Variants in RAB39A observed in about 807,000 individuals in gnomAD.
The protein encoded by RAB39A is ras-related protein Rab-39A.
RAB39A carries 17 observed loss-of-function variants against 20.9 expected under a neutral mutation model. The ratio of observed to expected loss-of-function variants is 0.81; its 90% CI spans 0.56 to 1.22. The LOEUF (loss-of-function observed/expected upper bound fraction) is 1.22. Among genes scored for constraint, RAB39A ranks in the 50% most tolerant of loss-of-function variants. The pLI is 0.00. For synonymous variants in RAB39A, 99 were observed against 103.4 expected (o/e 0.96, Z 0.26); for missense variants, 234 against 270.5 (o/e 0.87, Z 0.95).
At chr11:107,953,263 T>G (rs555284727) in intron 1 of RAB39A, among the ~76,000 whole-genome samples, 1 of 152,350 alleles carries the variant, frequency 6.6e-6, no homozygotes, top group African/African-American at 2.4e-5. Flanking sequence ...GAGCTTGTTT[T>G]GTACCATTTT....
In RAB39A at chr11:107,928,716, T is replaced by G; in HGVS notation, c.148T>G (p.Phe50Val). ...ACDPTVGVDF[F>V]SRLLEIEPGK... ...CGACCCCACCGTCGGCGTGGACTTC[T>G]TCTCCCGCCTGCTGGAGATCGAGCC... Residue 50 changes from phenylalanine to valine, a missense_variant, in exon 1 of 2, where the codon TTC becomes GTC. By Grantham distance (50) the Phe-to-Val change is conservative. Coordinates refer to ENST00000320578, the MANE Select transcript of RAB39A (RefSeq NM_017516.3). The surrounding 1 kb of genome is among the most constrained non-coding windows in gnomAD (Gnocchi z 4.9). The G allele has an allele frequency of 6.2e-7, 1 of 1,610,690 alleles. No individual in the cohort carries two copies. Among genetic ancestry groups the G allele is most frequent in the Non-Finnish European group, 8.5e-7 (1 of 1,178,352 alleles).
chr11:107,934,209 C>T (rs909154059), intron 1 of RAB39A, among the ~76,000 whole-genome samples: 3 of 152,108 alleles, frequency 2.0e-5, no homozygotes, highest in African/African-American at 7.2e-5. Context: ...AGGAGAATTA[C>T]TTGAAGCTAG....
chr11:107,950,733 T>C (rs944202657), intron 1 of RAB39A, among the ~76,000 whole-genome samples: 6 of 139,144 alleles, frequency 4.3e-5, no homozygotes, highest in African/African-American at 1.6e-4. Context: ...ACCACTGCAC[T>C]CCAGCCTGGG....
At chr11:107,953,664 A>C (rs1376571015) in intron 1 of RAB39A, among the ~76,000 whole-genome samples, 1 of 152,198 alleles carries the variant, frequency 6.6e-6, no homozygotes, top group Non-Finnish European at 1.5e-5. Flanking sequence ...GATTAGATGC[A>C]ACAAAAAATT....
chr11:107,929,427 T>A (rs1038524108), intron 1 of RAB39A, among the ~76,000 whole-genome samples: 10 of 151,936 alleles, frequency 6.6e-5, no homozygotes, highest in African/African-American at 2.2e-4. Context: ...TCATGACCCG[T>A]GGGAATGGGT....
At chr11:107,955,121 C>T (rs1043521633) in intron 1 of RAB39A, among the ~76,000 whole-genome samples, 5 of 150,704 alleles carry the variant, frequency 3.3e-5, no homozygotes, top group African/African-American at 9.7e-5. Flanking sequence ...CTCAGCCTCC[C>T]GAGGAGCTGG....
chr11:107,950,311 T>G (rs925550262), intron 1 of RAB39A, among the ~76,000 whole-genome samples: 1 of 152,244 alleles, frequency 6.6e-6, no homozygotes, highest in Non-Finnish European at 1.5e-5. Flanking sequence ...TAAGCTTTTT[T>G]TATATTTCTC....
chr11:107,953,096 C>T (rs1230381073), intron 1 of RAB39A, among the ~76,000 whole-genome samples: 2 of 152,262 alleles, frequency 1.3e-5, no homozygotes, highest in Middle Eastern at 3.4e-3. Flanking sequence ...ATCTACTGTA[C>T]ACCTTGGCAC....
intron 1 of RAB39A, among the ~76,000 whole-genome samples, chr11:107,948,350 CT>C (rs960499378): frequency 1.3e-5 from 2 of 148,884 alleles, no homozygotes; most frequent in Non-Finnish European, 3.0e-5. Flanking sequence ...TCTAATGCTT[CT>C]TTTTTTTCTT....
intron 1 of RAB39A, among the ~76,000 whole-genome samples, chr11:107,957,350 G>A (rs748882682): frequency 2.6e-5 from 4 of 152,182 alleles, no homozygotes; most frequent in African/African-American, 9.7e-5. Flanking sequence ...TTTACAACAG[G>A]GGTTGGGAAA....
intron 1 of RAB39A, among the ~76,000 whole-genome samples, chr11:107,958,582 C>CA (rs1861461947): frequency 6.6e-6 from 1 of 152,140 alleles, no homozygotes; most frequent in African/African-American, 2.4e-5. Context: ...CCCACAGACC[C>CA]ACACACAGAA....
intron 1 of RAB39A, among the ~76,000 whole-genome samples, chr11:107,948,066 A>G (rs576642916): frequency 1.3e-5 from 2 of 152,196 alleles, no homozygotes; most frequent in Non-Finnish European, 2.9e-5. Flanking sequence ...GAAAAAGGCA[A>G]GGGAACCTCC....
chr11:107,929,283 C>G (rs1289682312), intron 1 of RAB39A, among the ~76,000 whole-genome samples: 1 of 152,192 alleles, frequency 6.6e-6, no homozygotes, highest in African/African-American at 2.4e-5. Flanking sequence ...CGTGATGGAT[C>G]CTTTAGCTTC....
intron 1 of RAB39A, among the ~76,000 whole-genome samples, chr11:107,942,208 CT>C (rs1458615194): frequency 6.7e-6 from 1 of 149,902 alleles, no homozygotes; most frequent in Non-Finnish European, 1.5e-5. Context: ...TAGCAGAGAA[CT>C]TTTGGAAGAG....
At chr11:107,929,135 T>C (rs1565460169) in intron 1 of RAB39A, among the ~76,000 whole-genome samples, 1 of 152,208 alleles carries the variant, frequency 6.6e-6, no homozygotes, top group Non-Finnish European at 1.5e-5. Context: ...GGCTGCCTTC[T>C]TCCCAAACTC....
intron 1 of RAB39A, among the ~76,000 whole-genome samples, chr11:107,930,683 C>T (rs1262201115): frequency 6.6e-6 from 1 of 151,958 alleles, no homozygotes; most frequent in Admixed American, 6.6e-5. Context: ...AGGTGAAACC[C>T]TGTCTCTACC....
intron 1 of RAB39A, among the ~76,000 whole-genome samples, chr11:107,943,744 A>T (rs918178455): frequency 6.6e-6 from 1 of 152,178 alleles, no homozygotes; most frequent in African/African-American, 2.4e-5. Flanking sequence ...CACTGCTATA[A>T]CAGACTGCCA....
intron 1 of RAB39A, among the ~76,000 whole-genome samples, chr11:107,946,565 C>T (rs185960291): frequency 3.5e-5 from 5 of 143,968 alleles, no homozygotes; most frequent in Middle Eastern, 3.3e-3. Flanking sequence ...CTCCGCCTCC[C>T]GGGTTCACGC....
chr11:107,947,559 G>C (rs1012866417), intron 1 of RAB39A, among the ~76,000 whole-genome samples: 1 of 152,178 alleles, frequency 6.6e-6, no homozygotes, highest in South Asian at 2.1e-4. Flanking sequence ...AGGGACTAGA[G>C]TTTTCAGATT....
Sources: gnomAD v4.1 joint callset for allele counts (sites outside exome capture counted in the v4.1 genomes callset) on GRCh38, gnomAD v4.1.1 for gene constraint, Gnocchi (gnomAD v3.1) non-coding constraint, MANE v1.5 for transcripts, NCBI Gene and HGNC (gene_info 2026-07-23, HGNC 2026-07-21) for gene names.